Variants in STK3 observed in about 807,000 individuals in gnomAD.
STK3 encodes the protein serine/threonine-protein kinase 3.
In STK3, 41 loss-of-function variants were observed where a neutral mutation model predicts 58.0. The observed-to-expected ratio is 0.71, with a 90% CI of 0.55 to 0.92. The LOEUF is 0.92. Among genes scored for constraint, STK3 ranks in the 40% least tolerant of loss-of-function variants. STK3 has a pLI of 0.00. For missense variants in STK3, 479 were observed against 602.7 expected (o/e 0.79, Z 2.15); for synonymous variants, 170 against 191.0 (o/e 0.89, Z 0.91).
intron 6 of STK3, among the ~76,000 whole-genome samples, chr8:98,620,223 AC>A (rs954813347): frequency 1.0e-5 from 1 of 99,744 alleles, no homozygotes; most frequent in Non-Finnish European, 2.0e-5. Context: ...AGAACAAAAA[AC>A]CAAACACCGC....
At chr8:98,653,685 T>C (rs1821186613) in intron 6 of STK3, among the ~76,000 whole-genome samples, 1 of 152,082 alleles carries the variant, frequency 6.6e-6, no homozygotes, top group African/African-American at 2.4e-5. Context: ...CAAACTACCA[T>C]CAGAGAATAC....
chr8:98,589,808 T>G (rs1184564555), intron 7 of STK3, among the ~76,000 whole-genome samples: 1 of 152,222 alleles, frequency 6.6e-6, no homozygotes, highest in African/African-American at 2.4e-5. Context: ...TGGTGCACCA[T>G]TTTTTAAGCC....
chr8:98,504,911 T>C (rs1327557383), intron 10 of STK3, among the ~76,000 whole-genome samples: 1 of 152,178 alleles, frequency 6.6e-6, no homozygotes, highest in African/African-American at 2.4e-5. Context: ...GTGTTCTCTA[T>C]ATTTCCTGAA....
intron 6 of STK3, among the ~76,000 whole-genome samples, chr8:98,669,922 T>A (rs1375078980): frequency 1.3e-5 from 2 of 152,228 alleles, no homozygotes; most frequent in Non-Finnish European, 2.9e-5. Context: ...GAAGAGATGT[T>A]CAGAAGGCTG....
At chr8:98,903,119 A>T (rs1470257047) in intron 1 of STK3, among the ~76,000 whole-genome samples, 2 of 152,054 alleles carry the variant, frequency 1.3e-5, no homozygotes, top group East Asian at 3.8e-4. Flanking sequence ...CCTTTCAGTG[A>T]CTCTAATACC....
chr8:98,396,380 G>T (rs1432450025), intron 3 of STK3, among the ~76,000 whole-genome samples: 1 of 152,196 alleles, frequency 6.6e-6, no homozygotes, highest in Admixed American at 6.5e-5. Flanking sequence ...TGTGTCTACT[G>T]GGAGATGGGG....
At chr8:98,613,531 T>C (rs896207078) in intron 6 of STK3, among the ~76,000 whole-genome samples, 2 of 151,980 alleles carry the variant, frequency 1.3e-5, no homozygotes, top group Non-Finnish European at 1.5e-5. Flanking sequence ...TTTATGTACA[T>C]ATAGAATAAT....
At chr8:98,812,167 A>G (rs1464750194) in intron 1 of STK3, among the ~76,000 whole-genome samples, 2 of 152,164 alleles carry the variant, frequency 1.3e-5, no homozygotes, top group Non-Finnish European at 2.9e-5. Context: ...TTTTATAAAT[A>G]TTTAGCAAAT....
intron 6 of STK3, among the ~76,000 whole-genome samples, chr8:98,625,599 C>G (rs1240235103): frequency 6.6e-6 from 1 of 152,046 alleles, no homozygotes; most frequent in East Asian, 1.9e-4. Context: ...CTGATTATGC[C>G]TTTTCATAAT....
intron 3 of STK3, among the ~76,000 whole-genome samples, chr8:98,860,241 G>A (rs977103442): frequency 1.2e-4 from 18 of 152,180 alleles, no homozygotes; most frequent in Non-Finnish European, 2.5e-4. Context: ...TAAGTGCTAT[G>A]AAGAAAACAA....
intron 9 of STK3, among the ~76,000 whole-genome samples, chr8:98,540,151 T>C (rs1414644708): frequency 6.6e-6 from 1 of 152,204 alleles, no homozygotes; most frequent in Non-Finnish European, 1.5e-5. Context: ...CCTTCTTAAA[T>C]ACTCCAGGTA....
chr8:98,868,639 G>C (rs1837235113), intron 3 of STK3, among the ~76,000 whole-genome samples: 1 of 152,120 alleles, frequency 6.6e-6, no homozygotes. Context: ...CCTCCAAAAA[G>C]ATGTATCCAT....
chr8:98,429,885 A>G (rs535144081), intron 3 of STK3: 1 of 169,058 alleles, frequency 5.9e-6, no homozygotes, highest in South Asian at 2.1e-4. Context: ...CAGTCATGTG[A>G]AAACAAAATC....
chr8:98,586,000 A>C (rs1305035865), intron 7 of STK3, among the ~76,000 whole-genome samples: 1 of 152,202 alleles, frequency 6.6e-6, no homozygotes, highest in Admixed American at 6.5e-5. Context: ...TTTTGGGCTA[A>C]GACAATGGGG....
intron 1 of STK3, among the ~76,000 whole-genome samples, chr8:98,885,580 C>G (rs1267590201): frequency 6.6e-6 from 1 of 152,168 alleles, no homozygotes; most frequent in Non-Finnish European, 1.5e-5. Flanking sequence ...GCTGGGATTA[C>G]AGGCATGCGC....
intron 1 of STK3, chr8:98,883,911 C>T (rs1043802373): frequency 5.0e-5 from 27 of 544,338 alleles, no homozygotes; most frequent in East Asian, 2.9e-4. Flanking sequence ...ATAGGGTTGC[C>T]GGGGATGACT....
At chr8:98,870,508 T>C (rs2031977306) in intron 3 of STK3, among the ~76,000 whole-genome samples, 3 of 152,232 alleles carry the variant, frequency 2.0e-5, no homozygotes, top group Non-Finnish European at 2.9e-5. Context: ...GCACCTGTTG[T>C]TTCCTGACTT....
At chr8:98,852,912 C>A (rs1210933962) in intron 3 of STK3, among the ~76,000 whole-genome samples, 3 of 152,044 alleles carry the variant, frequency 2.0e-5, no homozygotes, top group Non-Finnish European at 4.4e-5. Flanking sequence ...CATTTTACTT[C>A]TTTTATTCAT....
At chr8:98,539,996 C>A (rs6985600) in intron 9 of STK3, among the ~76,000 whole-genome samples, 58,580 of 151,962 alleles carry the variant, frequency 0.39, 11,589 homozygotes, top group Admixed American at 0.51. Context: ...TTAGGTGATC[C>A]CCCTGCCTTG....
Sources: allele counts gnomAD v4.1 joint callset (sites outside exome capture counted in the v4.1 genomes callset), GRCh38; gene constraint gnomAD v4.1.1; transcripts MANE v1.5; gene names NCBI Gene and HGNC (gene_info 2026-07-23, HGNC 2026-07-21).